Variants in DSCAM observed in about 807,000 individuals in gnomAD.
The protein encoded by DSCAM is DS cell adhesion molecule, also known as cell adhesion molecule DSCAM.
DSCAM carries 47 observed loss-of-function variants against 217.7 expected under a neutral mutation model. The ratio of observed to expected loss-of-function variants is 0.22; its 90% CI spans 0.17 to 0.28. The LOEUF (loss-of-function observed/expected upper bound fraction) is 0.28, where lower values mean the gene tolerates loss of function less well. Among genes scored for constraint, DSCAM ranks in the 10% least tolerant of loss-of-function variants. DSCAM has a pLI of 1.00. For missense variants in DSCAM, 2,080 were observed against 2,618.3 expected (o/e 0.79, Z 4.49); for synonymous variants, 1,056 against 1,015.3 (o/e 1.04, Z -0.76).
Position 40,301,301 on chromosome 21 carries a change from C to A in DSCAM, c.2063-5127G>T, listed in dbSNP as rs1162058913. Reference sequence around the variant, plus strand: ...TATTCCCATGGCCCTTTGGTATAATCCAGACTCTTGGGATATTTTAAAGGA... The same window carrying A: ...TATTCCCATGGCCCTTTGGTATAATACAGACTCTTGGGATATTTTAAAGGA... On this transcript the variant is annotated intron_variant, in intron 9 of 32. Transcript: ENST00000400454. 2.6e-5 allele frequency among the ~76,000 whole-genome samples: 4 copies of A among 152,196 alleles called. No homozygotes were observed. The East Asian group carries it at 7.7e-4, about 29-fold the overall frequency.
intron 11 of DSCAM, among the ~76,000 whole-genome samples, chr21:40,189,971 A>G (rs963594487): frequency 3.2e-4 from 48 of 152,196 alleles, no homozygotes; most frequent in Non-Finnish European, 6.5e-4. Context: ...AGTCAACTTT[A>G]GGTGAATCCC....
chr21:40,656,033 C>A (rs1443267360), intron 3 of DSCAM, among the ~76,000 whole-genome samples: 1 of 152,066 alleles, frequency 6.6e-6, no homozygotes. Flanking sequence ...GCTTGGGTGA[C>A]AGAGTGAGAC....
intron 11 of DSCAM, among the ~76,000 whole-genome samples, chr21:40,260,268 A>G (rs1285857296): frequency 1.3e-5 from 2 of 152,222 alleles, no homozygotes; most frequent in Non-Finnish European, 2.9e-5. Context: ...AAAAGTGGAC[A>G]TCTAACTTGA....
At chr21:40,471,610 T>C (rs112961694) in intron 3 of DSCAM, among the ~76,000 whole-genome samples, 121 of 152,272 alleles carry the variant, frequency 7.9e-4, no homozygotes, top group African/African-American at 2.6e-3. Context: ...CAACAGAGTG[T>C]AAACCACCTG....
chr21:40,022,312 A>G (rs2088287241), intron 32 of DSCAM, among the ~76,000 whole-genome samples: 1 of 152,094 alleles, frequency 6.6e-6, no homozygotes, highest in African/African-American at 2.4e-5. Flanking sequence ...GCTGCTCAAC[A>G]TCATCCAATG....
chr21:40,577,187 T>C (rs2146213674), intron 3 of DSCAM, among the ~76,000 whole-genome samples: 1 of 150,590 alleles, frequency 6.6e-6, no homozygotes, highest in South Asian at 2.1e-4. Flanking sequence ...TCATTCACCA[T>C]CCCTTATTAT....
At chr21:40,418,211 G>T (rs2075390406) in intron 3 of DSCAM, among the ~76,000 whole-genome samples, 1 of 152,134 alleles carries the variant, frequency 6.6e-6, no homozygotes, top group Admixed American at 6.6e-5. Context: ...TTTGGCAGGA[G>T]ATTTCAATGC....
At chr21:40,799,304 C>G (rs2091718257) in intron 1 of DSCAM, among the ~76,000 whole-genome samples, 1 of 152,052 alleles carries the variant, frequency 6.6e-6, no homozygotes, top group Non-Finnish European at 1.5e-5. Flanking sequence ...AGAGCTAACA[C>G]ATTAACTCAA....
chr21:40,476,717 C>T (rs558704318), intron 3 of DSCAM, among the ~76,000 whole-genome samples: 2 of 152,076 alleles, frequency 1.3e-5, no homozygotes, highest in East Asian at 3.9e-4. Flanking sequence ...CAGGGCAGGT[C>T]ATAGGGAAAG....
At chr21:40,710,414 C>A (rs2090767333) in intron 1 of DSCAM, among the ~76,000 whole-genome samples, 1 of 152,176 alleles carries the variant, frequency 6.6e-6, no homozygotes, top group Admixed American at 6.5e-5. Context: ...ATAATTATAT[C>A]ATGTTAAAGT....
chr21:40,363,798 T>A (rs1304879289), intron 4 of DSCAM, among the ~76,000 whole-genome samples: 1 of 151,962 alleles, frequency 6.6e-6, no homozygotes, highest in Non-Finnish European at 1.5e-5. Context: ...AGGGCTAATA[T>A]CCAGAATCTA....
intron 2 of DSCAM, among the ~76,000 whole-genome samples, chr21:40,700,416 G>A (rs1245252442): frequency 6.6e-6 from 1 of 152,058 alleles, no homozygotes; most frequent in Admixed American, 6.6e-5. Flanking sequence ...GTGGATGTTG[G>A]GTTTCATCAA....
At chr21:40,392,994 G>A (rs890159391) in intron 3 of DSCAM, among the ~76,000 whole-genome samples, 1 of 152,180 alleles carries the variant, frequency 6.6e-6, no homozygotes, top group African/African-American at 2.4e-5. Context: ...AGAATTATTA[G>A]TGCATGTTAG....
chr21:40,244,919 C>T (rs1555894010), intron 11 of DSCAM, among the ~76,000 whole-genome samples: 1 of 151,724 alleles, frequency 6.6e-6, no homozygotes, highest in Non-Finnish European at 1.5e-5. Flanking sequence ...TGAGACAGTG[C>T]TCATTTCCGC....
chr21:40,308,820 T>C (rs1279693103), intron 9 of DSCAM, among the ~76,000 whole-genome samples: 4 of 152,164 alleles, frequency 2.6e-5, no homozygotes, highest in African/African-American at 9.7e-5. Context: ...ATGGTCCTAT[T>C]AGATAATTTT....
chr21:40,704,547 C>T (rs777618851), intron 2 of DSCAM, among the ~76,000 whole-genome samples: 2 of 151,298 alleles, frequency 1.3e-5, no homozygotes, highest in Non-Finnish European at 2.9e-5. Context: ...AGAATACCCT[C>T]TACAAAATTT....
intron 6 of DSCAM, among the ~76,000 whole-genome samples, chr21:40,344,537 C>A (rs904357663): frequency 1.3e-5 from 2 of 152,232 alleles, no homozygotes; most frequent in African/African-American, 4.8e-5. Flanking sequence ...CAGAAGTCTG[C>A]GTTGGCAGGG....
chr21:40,123,071 C>T (rs2090052120), intron 20 of DSCAM, among the ~76,000 whole-genome samples: 1 of 152,176 alleles, frequency 6.6e-6, no homozygotes, highest in African/African-American at 2.4e-5. Flanking sequence ...TATCATTCCA[C>T]ATGCATGAGG....
chr21:40,637,979 C>T (rs1372257197), intron 3 of DSCAM, among the ~76,000 whole-genome samples: 11 of 151,956 alleles, frequency 7.2e-5, no homozygotes, highest in East Asian at 5.8e-4. Flanking sequence ...CCACCATGCC[C>T]GGCCCCCATT....
Sources: allele counts gnomAD v4.1 joint callset (sites outside exome capture counted in the v4.1 genomes callset), GRCh38; gene constraint gnomAD v4.1.1; transcripts MANE v1.5; gene names NCBI Gene and HGNC (gene_info 2026-07-23, HGNC 2026-07-21).